Variants in LAMA2 observed in about 807,000 individuals in gnomAD.
LAMA2 encodes the protein laminin subunit alpha 2, also known as laminin subunit alpha-2.
In LAMA2, 269 loss-of-function variants were observed where a neutral mutation model predicts 364.8. The observed-to-expected ratio is 0.74, with a 90% CI of 0.67 to 0.82. The LOEUF is 0.82. LAMA2 is among the 40% of genes least tolerant of loss of function. LAMA2 has a pLI of 0.00. For synonymous variants in LAMA2, 1,379 were observed against 1,370.6 expected, an observed-to-expected ratio of 1.01 and a Z score of -0.14; for missense variants, 3,807 against 3,873.2, an observed-to-expected ratio of 0.98 and a Z score of 0.45.
chr6:129,114,510 A>T (rs1195216613), intron 4 of LAMA2, among the ~76,000 whole-genome samples: 2 of 152,096 alleles, frequency 1.3e-5, no homozygotes, highest in Non-Finnish European at 2.9e-5. Context: ...GTTTCTTGAG[A>T]TAGGAATACA....
chr6:129,147,162 C>A, intron 6 of LAMA2, 114 bp downstream of exon 6: 1 of 753,178 alleles, frequency 1.3e-6, no homozygotes, highest in African/African-American at 1.7e-5. Flanking sequence ...CCCACTTAGA[C>A]AGTGTAACAG....
At chr6:129,374,660 C>T (rs1415461299) in intron 34 of LAMA2, among the ~76,000 whole-genome samples, 1 of 151,936 alleles carries the variant, frequency 6.6e-6, no homozygotes, top group Admixed American at 6.6e-5. Flanking sequence ...TCACTGCAAC[C>T]TCCACCTCCT....
chr6:128,971,542 ATAAG>A (rs1782185685), intron 1 of LAMA2, among the ~76,000 whole-genome samples: 1 of 152,198 alleles, frequency 6.6e-6, no homozygotes, highest in Admixed American at 6.5e-5. Flanking sequence ...TTGGTATTAA[ATAAG>A]AGAGAAATTA....
In LAMA2 at chr6:129,401,255, G is replaced by GA; in HGVS notation, c.5478dup (p.Gln1827ThrfsTer3). The GA allele has an allele frequency of 6.2e-7, 1 of 1,611,844 alleles. No individual in the cohort carries two copies. The highest frequency in any genetic ancestry group is 8.5e-7 in the Non-Finnish European group (1 of 1,178,084). The stretch of plus-strand genomic sequence containing the variant: ...AAGGAGGCTGTTGAAAGCGGCAAAC[G>GA]ACAAATTGAGAACACTTTAAAAGAG... On this transcript the variant is annotated frameshift_variant, in exon 38 of 65. Coordinates refer to ENST00000421865, the MANE Select transcript of LAMA2 (RefSeq NM_000426.4). LOFTEE classifies it high-confidence loss of function.
chr6:129,053,285 G>A (rs1788221068), intron 2 of LAMA2, among the ~76,000 whole-genome samples: 1 of 152,026 alleles, frequency 6.6e-6, no homozygotes, highest in Non-Finnish European at 1.5e-5. Flanking sequence ...GGCTGGTCCC[G>A]AACTCCAGAC....
chr6:128,959,930 T>C (rs1781373758), intron 1 of LAMA2, among the ~76,000 whole-genome samples: 1 of 151,998 alleles, frequency 6.6e-6, no homozygotes, highest in South Asian at 2.1e-4. Context: ...AAAAAATTAA[T>C]ATATTCAAAG....
intron 12 of LAMA2, among the ~76,000 whole-genome samples, chr6:129,223,028 C>G (rs1481292707): frequency 6.6e-6 from 1 of 152,120 alleles, no homozygotes. Flanking sequence ...TTTTAATGAT[C>G]ACCAGTCTAA....
intron 2 of LAMA2, among the ~76,000 whole-genome samples, chr6:129,050,740 C>G (rs1050983572): frequency 2.0e-4 from 30 of 152,158 alleles, no homozygotes; most frequent in Non-Finnish European, 2.4e-4. Context: ...ATGACTAGAA[C>G]TGAAAGTGCC....
chr6:129,478,538 A>G, intron 53 of LAMA2, 155 bp from the exon 54 acceptor site: 1 of 742,342 alleles, frequency 1.3e-6, no homozygotes, highest in South Asian at 1.5e-5. Flanking sequence ...ACCAGTAGAC[A>G]ATGGAAACCA....
intron 1 of LAMA2, among the ~76,000 whole-genome samples, chr6:128,932,041 A>G (rs1280248431): frequency 6.6e-6 from 1 of 150,982 alleles, no homozygotes; most frequent in Non-Finnish European, 1.5e-5. Flanking sequence ...TGAATAATAA[A>G]AGGAAAAAAA....
At chr6:128,997,336 GAGAAAGAA>G (rs959399549) in intron 1 of LAMA2, among the ~76,000 whole-genome samples, 1 of 82,892 alleles carries the variant, frequency 1.2e-5, no homozygotes. Context: ...GAGAAAGAAA[GAGAAAGAA>G]AGAAAGAAAG....
intron 9 of LAMA2, among the ~76,000 whole-genome samples, chr6:129,172,486 C>T (rs1036756285): frequency 2.0e-5 from 3 of 152,214 alleles, no homozygotes; most frequent in Non-Finnish European, 4.4e-5. Context: ...TTACGCTGCT[C>T]AGGGGTCAGG....
intron 1 of LAMA2, among the ~76,000 whole-genome samples, chr6:128,960,811 C>T (rs1562872320): frequency 6.6e-6 from 1 of 151,582 alleles, no homozygotes; most frequent in African/African-American, 2.4e-5. Context: ...ATATCTCATC[C>T]TGTTCTTGTT....
In LAMA2 at chr6:129,303,006, T is replaced by A. The variant is rs944973525; in HGVS notation, c.3174+2134T>A. Among the ~76,000 whole-genome samples, 10 of 152,112 alleles carry A rather than the reference T, an allele frequency of 6.6e-5. No homozygotes were observed. In the South Asian group the frequency reaches 2.1e-3, roughly 31 times the overall value. On this transcript the variant is annotated intron_variant, in intron 22 of 64. Coordinates refer to ENST00000421865, the MANE Select transcript of LAMA2 (RefSeq NM_000426.4). ...TTCTTTACCAAAAAGCCTGCTAGGA[T>A]TTGGCTGAAATTATATTGAATTGAT...
chr6:129,277,206 C>A (rs1219423722), intron 17 of LAMA2, among the ~76,000 whole-genome samples: 1 of 152,150 alleles, frequency 6.6e-6, no homozygotes, highest in African/African-American at 2.4e-5. Flanking sequence ...AGTTAAATGA[C>A]ATAATCTTGG....
At position 129,315,886 on chromosome 6, in the gene LAMA2, T is replaced by C. The variant is rs1257328345; in HGVS notation, c.3860T>C (p.Ile1287Thr). The stretch of plus-strand genomic sequence containing the variant: ...GGGACACCTACTCATGCTAGAATTA[T>C]CGTCAGGCATATGGCTGCTCCTCTG... Reference protein sequence around the residue: ...RGGTPTHARIIVRHMAAPLIG... With the variant: ...RGGTPTHARITVRHMAAPLIG... Residue 1287 changes from isoleucine to threonine, a missense_variant, in exon 26 of 65, where the codon ATC (isoleucine) becomes ACC (threonine). By Grantham distance (89) the Ile-to-Thr change is moderately conservative. This residue lies in a region of LAMA2 where 3,333 missense variants were observed against 3,345.7 expected (regional missense o/e 1.00). Transcript: ENST00000421865. The C allele has an allele frequency of 6.2e-7, 1 of 1,614,164 alleles. No homozygotes were observed. The highest frequency in any genetic ancestry group is 1.1e-5 in the South Asian group (1 of 91,078).
At chr6:129,381,544 C>G (rs966795627) in intron 34 of LAMA2, among the ~76,000 whole-genome samples, 1 of 152,008 alleles carries the variant, frequency 6.6e-6, no homozygotes, top group Admixed American at 6.6e-5. Context: ...TTTGACCCAT[C>G]AGACCTTTGA....
chr6:129,005,988 G>A (rs118068611), intron 1 of LAMA2, among the ~76,000 whole-genome samples: 180 of 151,756 alleles, frequency 1.2e-3, no homozygotes, highest in African/African-American at 3.8e-3. Flanking sequence ...TTGAGACTGT[G>A]TTTTTAACAA....
chr6:128,992,136 T>C (rs892813855), intron 1 of LAMA2, among the ~76,000 whole-genome samples: 11 of 152,186 alleles, frequency 7.2e-5, no homozygotes, highest in African/African-American at 2.4e-4. Context: ...AGGAATCTCA[T>C]AGGTGTGTAA....
Sources: gnomAD v4.1 joint callset for allele counts (sites outside exome capture counted in the v4.1 genomes callset) on GRCh38, gnomAD v4.1.1 for gene constraint, gnomAD v4.1.1 regional missense constraint, MANE v1.5 for transcripts, NCBI Gene and HGNC (gene_info 2026-07-23, HGNC 2026-07-21) for gene names.